The following ANKRD26 variants were observed in gnomAD, a reference collection of about 807,000 sequenced individuals.
ANKRD26 encodes the protein ankyrin repeat domain 26.
Under a neutral mutation model 208.7 loss-of-function variants are expected in ANKRD26, and 141 were observed. That is an observed-to-expected ratio of 0.68 (90% confidence interval 0.59 to 0.78). The LOEUF is 0.78. ANKRD26 is among the 30% of genes least tolerant of loss of function. The pLI, the probability that ANKRD26 is intolerant of heterozygous loss-of-function variation, is 0.00. For missense variants in ANKRD26, 1,889 were observed against 1,938.7 expected, an observed-to-expected ratio of 0.97 and a Z score of 0.48; for synonymous variants, 636 against 660.4, an observed-to-expected ratio of 0.96 and a Z score of 0.57.
At chr10:26,951,559 C>T in the ANKRD26 span, among the ~76,000 whole-genome samples, 52 of 122,126 alleles carry the variant, frequency 4.3e-4, no homozygotes, top group Non-Finnish European at 5.1e-4. Context: ...ATATATAGTA[C>T]ACAGGACAGT....
intron 10 of ANKRD26, 76 bp downstream of exon 10, chr10:27,067,081 A>C (rs2055278794): frequency 2.0e-6 from 3 of 1,534,142 alleles, no homozygotes; most frequent in Non-Finnish European, 2.7e-6. Context: ...TGCTGGGATC[A>C]CAGGTGTGAG....
At chr10:27,092,300 C>G (rs1429977133) in intron 4 of ANKRD26, 106 bp downstream of exon 4, 1 of 786,796 alleles carries the variant, frequency 1.3e-6, no homozygotes, top group Non-Finnish European at 2.1e-6. Flanking sequence ...ACTGTTGCCC[C>G]TCAAGAACAA....
exon 6 of ANKRD26, among the ~76,000 whole-genome samples, chr10:26,975,709 C>T (rs2052216786): frequency 6.6e-6 from 1 of 151,976 alleles, no homozygotes; most frequent in Non-Finnish European, 1.5e-5. Context: ...AGGCATGTGG[C>T]AGACACCTCA....
downstream of ANKRD26, among the ~76,000 whole-genome samples, chr10:27,000,807 C>CATCCTGGCT (rs2052705648): frequency 6.6e-6 from 1 of 152,034 alleles, no homozygotes; most frequent in African/African-American, 2.4e-5. Flanking sequence ...AGATCGAGAC[C>CATCCTGGCT]ATCCTGGCTA....
At chr10:27,044,623 T>G (rs1028671095) in intron 18 of ANKRD26, among the ~76,000 whole-genome samples, 3 of 152,150 alleles carry the variant, frequency 2.0e-5, no homozygotes, top group Non-Finnish European at 4.4e-5. Flanking sequence ...ATGGAAACCC[T>G]TTTTGAATGA....
chr10:27,044,266 T>A lies in ANKRD26; in HGVS notation c.1986-76A>T, dbSNP rs1167268005. ...GGAATATCTAAAACTATTGTTTTTTTAAATAAAAGCTCTGCATTTGTAATT... is the reference window on the plus strand; with the variant it reads ...GGAATATCTAAAACTATTGTTTTTTAAAATAAAAGCTCTGCATTTGTAATT... On this transcript the variant is annotated intron_variant, in intron 18 of 33. Coordinates refer to ENST00000376087, the MANE Select transcript of ANKRD26 (RefSeq NM_014915.3). 2.4e-6 allele frequency: 3 copies of A among 1,245,270 alleles called. No individual in the cohort carries two copies. In the East Asian group the frequency reaches 8.6e-5, roughly 36 times the overall value. The allele number at this position is 1,245,270 out of a possible 1,614,324, so 77.1% of individuals were successfully genotyped here. A position where few individuals can be genotyped will look rare whatever the true frequency, so the allele number is the denominator to read the frequency against.
the ANKRD26 span, among the ~76,000 whole-genome samples, chr10:26,955,258 A>G: frequency 6.6e-6 from 1 of 151,858 alleles, no homozygotes; most frequent in Non-Finnish European, 1.5e-5. Context: ...GTGAAACCCC[A>G]TCTCTACTAA....
At chr10:27,083,663 G>C (rs950038923) in intron 5 of ANKRD26, among the ~76,000 whole-genome samples, 1 of 152,214 alleles carries the variant, frequency 6.6e-6, no homozygotes, top group Non-Finnish European at 1.5e-5. Context: ...ATAAATACTA[G>C]TCCAAGGATT....
At chr10:27,024,636 G>C (rs1589233156) in intron 27 of ANKRD26, 77 bp from the exon 28 acceptor site, 2 of 794,566 alleles carry the variant, frequency 2.5e-6, no homozygotes, top group East Asian at 2.6e-5. Flanking sequence ...TTTCTTATGA[G>C]TTCATGAGTA....
chr10:26,967,161 T>C, the ANKRD26 span, among the ~76,000 whole-genome samples: 3 of 152,226 alleles, frequency 2.0e-5, no homozygotes, highest in Non-Finnish European at 4.4e-5. Context: ...AAATAACATT[T>C]GCCATCTCTA....
chr10:26,997,837 A>G (rs2052629181), intron 4 of ANKRD26, among the ~76,000 whole-genome samples: 1 of 151,942 alleles, frequency 6.6e-6, no homozygotes, highest in Non-Finnish European at 1.5e-5. Flanking sequence ...CCACATCCTC[A>G]CCACTTGTTT....
chr10:27,042,668 G>C (rs112211439), intron 20 of ANKRD26, among the ~76,000 whole-genome samples: 357 of 152,104 alleles, frequency 2.3e-3, no homozygotes, highest in African/African-American at 8.3e-3. Flanking sequence ...CAGGAGAATA[G>C]CGTGAACCCA....
chr10:27,048,827 G>C lies in ANKRD26; in HGVS notation c.1788C>G (p.Pro596=). The change falls in exon 17 of 34, where the codon CCC becomes CCG. Residue 596 remains proline, a synonymous_variant. Transcript: ENST00000376087. ...KSGETDHQQF[P]RKENKEYASS... is the part of the protein sequence containing the mutation. ...TAGCATACTCTTTATTTTCCTTCCT[G>C]GGAAATTGCTGATGATCAGTTTCTC... 1.2e-6 allele frequency: 2 copies of C among 1,612,884 alleles called. No homozygotes were observed. The highest frequency in any genetic ancestry group is 1.7e-6 in the Non-Finnish European group (2 of 1,179,592).
chr10:27,078,321 G>A (rs943661913), intron 7 of ANKRD26, among the ~76,000 whole-genome samples: 1 of 152,066 alleles, frequency 6.6e-6, no homozygotes, highest in African/African-American at 2.4e-5. Flanking sequence ...TAAATAGAAA[G>A]CTGCACCTAA....
chr10:26,973,320 A>T (rs1313884770), downstream of ANKRD26, among the ~76,000 whole-genome samples: 1 of 152,162 alleles, frequency 6.6e-6, no homozygotes, highest in Non-Finnish European at 1.5e-5. Flanking sequence ...TACCTACCTA[A>T]TAAATCAAAT....
intron 30 of ANKRD26, among the ~76,000 whole-genome samples, chr10:27,015,671 G>A (rs2053265062): frequency 6.6e-6 from 1 of 152,074 alleles, no homozygotes; most frequent in African/African-American, 2.4e-5. Flanking sequence ...GGAAAGAGCT[G>A]AGAATGAGGA....
intron 20 of ANKRD26, among the ~76,000 whole-genome samples, chr10:27,042,882 C>T (rs2054305128): frequency 6.9e-6 from 1 of 145,226 alleles, no homozygotes; most frequent in African/African-American, 2.6e-5. Context: ...ACAAGAATCG[C>T]TTGAACCCGG....
At position 27,006,284 on chromosome 10, in the gene ANKRD26, C is replaced by T. The variant is rs187253488; in HGVS notation, c.5000-561G>A. ...TGAGGAAGCTCCCTGTGGAATTCCA[C>T]GTGGTCTAGGGTGGCTGGATGCCAG... On this transcript the variant is annotated intron_variant, in intron 33 of 33. Transcript: ENST00000376087. Among the ~76,000 whole-genome samples the T allele has an allele frequency of 8.5e-4, 130 of 152,264 alleles. 2 individuals are homozygous for T. In the South Asian group the frequency reaches 0.017, roughly 20 times the overall value.
At chr10:26,993,297 G>A (rs1274958888) in intron 5 of ANKRD26, among the ~76,000 whole-genome samples, 4 of 152,166 alleles carry the variant, frequency 2.6e-5, no homozygotes, top group Non-Finnish European at 5.9e-5. Flanking sequence ...CCCATTTACT[G>A]CTAGCCAATT....
Sources: allele counts gnomAD v4.1 joint callset (sites outside exome capture counted in the v4.1 genomes callset), GRCh38; gene constraint gnomAD v4.1.1; transcripts MANE v1.5; gene names NCBI Gene and HGNC (gene_info 2026-07-23, HGNC 2026-07-21).